Variants in DPY19L3 observed in about 807,000 individuals in gnomAD.
DPY19L3 encodes protein C-mannosyl-transferase DPY19L3.
DPY19L3 carries 51 observed loss-of-function variants against 92.3 expected under a neutral mutation model. The ratio of observed to expected loss-of-function variants is 0.55; its 90% CI spans 0.44 to 0.70. DPY19L3 has a LOEUF of 0.70. Ranked by LOEUF, DPY19L3 falls within the 30% of genes least tolerant of loss-of-function variation. The pLI is 0.00. For synonymous variants in DPY19L3, 309 were observed against 315.2 expected (o/e 0.98, Z 0.21); for missense variants, 706 against 855.9 (o/e 0.82, Z 2.18).
chr19:32,464,884 G>T (rs919379322), intron 15 of DPY19L3, 100 bp downstream of exon 15: 5 of 706,598 alleles, frequency 7.1e-6, no homozygotes, highest in African/African-American at 3.7e-5. Context: ...AGAGTGGTTT[G>T]TGAAGGTTAT....
rs199792338 is a variant in DPY19L3 at position 32,482,082 on chromosome 19, A to G, written c.1993A>G (p.Met665Val). 5.0e-6 allele frequency: 8 copies of G among 1,606,452 alleles called. No homozygotes were observed. Among genetic ancestry groups the G allele is most frequent in the Middle Eastern group, 1.7e-4 (1 of 6,010 alleles). Residue 665 changes from methionine (M) to valine (V), a missense_variant, in exon 19 of 19, where the codon ATG becomes GTG. Transcript: ENST00000392250. ...TTTGGGTTTGTTTTGGTTTTAGATG[A>G]TGGATGGCCCAGGAGAGAATGATCC... is the stretch of plus-strand genomic sequence containing the variant. ...DLLDIANGHMMDGPGENDPDL... is the reference protein window; with the variant it reads ...DLLDIANGHMVDGPGENDPDL...
rs370428055 is a variant in DPY19L3 at position 32,457,524 on chromosome 19, A to G, written c.1090-576A>G. On this transcript the variant is annotated intron_variant, in intron 10 of 18. Transcript: ENST00000392250. ...AATAAATTTTTTCACCATTTATGTT[A>G]TTATATATGGATTTTTAAGCCACAA... Among the ~76,000 whole-genome samples, 6 of 152,210 alleles carry G rather than the reference A, an allele frequency of 3.9e-5. No individual in the cohort carries two copies. In the East Asian group the frequency reaches 9.6e-4, roughly 24 times the overall value.
intron 16 of DPY19L3, among the ~76,000 whole-genome samples, chr19:32,474,897 C>T (rs1369602291): frequency 6.6e-6 from 1 of 152,158 alleles, no homozygotes; most frequent in Non-Finnish European, 1.5e-5. Context: ...TCTAAGTAAG[C>T]TTCTTGAAGA....
At chr19:32,470,675 A>C (rs552765949) in intron 16 of DPY19L3, among the ~76,000 whole-genome samples, 2 of 152,042 alleles carry the variant, frequency 1.3e-5, no homozygotes, top group Admixed American at 6.5e-5. Context: ...AGAGAATACA[A>C]GTGTCCTATT....
intron 17 of DPY19L3, among the ~76,000 whole-genome samples, chr19:32,479,896 A>G (rs771197581): frequency 1.1e-4 from 16 of 152,252 alleles, no homozygotes; most frequent in African/African-American, 2.2e-4. Context: ...AAAGCAGCCA[A>G]TGCTGCCCCA....
chr19:32,470,721 C>A (rs565612770), intron 16 of DPY19L3, among the ~76,000 whole-genome samples: 7 of 151,214 alleles, frequency 4.6e-5, no homozygotes, highest in African/African-American at 1.7e-4. Flanking sequence ...CTCCTCAGAC[C>A]CTCCTTTTGC....
At chr19:32,414,248 G>A (rs1228936158) in intron 3 of DPY19L3, among the ~76,000 whole-genome samples, 8 of 152,098 alleles carry the variant, frequency 5.3e-5, no homozygotes, top group South Asian at 2.1e-4. Context: ...GTGAAATCCC[G>A]TCTGTACTAA....
intron 3 of DPY19L3, among the ~76,000 whole-genome samples, chr19:32,418,110 T>G (rs1283071013): frequency 6.6e-6 from 1 of 152,210 alleles, no homozygotes; most frequent in Non-Finnish European, 1.5e-5. Flanking sequence ...TGGGCCAGTT[T>G]GTGTCTGTGC....
rs907572853 is a variant in DPY19L3 at position 32,484,443 on chromosome 19, G to A, written c.*2203G>A. The A allele has an allele frequency of 1.3e-5, 2 of 152,166 alleles. No homozygotes were observed. The highest frequency in any genetic ancestry group is 6.6e-5 in the Admixed American group (1 of 15,262). 9.4% of individuals were successfully genotyped at this position (152,166 alleles called of 1,614,324 possible). A position where few individuals can be genotyped will look rare whatever the true frequency, so the allele number is the denominator to read the frequency against. On this transcript the variant is annotated 3_prime_UTR_variant, in exon 19 of 19. Coordinates refer to ENST00000392250, the MANE Select transcript of DPY19L3 (RefSeq NM_001172774.2). The stretch of plus-strand genomic sequence containing the variant: ...TCTACCAGGCCGAAGCAAGAGACCC[G>A]CGGCAGCAGCTCCCCGCCACTCAGA...
At chr19:32,444,187 C>G (rs1483326036) in intron 8 of DPY19L3, among the ~76,000 whole-genome samples, 4 of 151,208 alleles carry the variant, frequency 2.6e-5, no homozygotes, top group Admixed American at 6.6e-5. Context: ...AAAAAAAAAG[C>G]TTCATTGAGC....
Position 32,436,576 on chromosome 19 carries a change from T to C in DPY19L3, c.450+9T>C. 1.4e-6 allele frequency: 2 copies of C among 1,477,890 alleles called. No homozygotes were observed. The highest frequency in any genetic ancestry group is 1.8e-6 in the Non-Finnish European group (2 of 1,104,512). 91.5% of individuals were successfully genotyped at this position (1,477,890 alleles called of 1,614,324 possible). A position where few individuals can be genotyped will look rare whatever the true frequency, so the allele number is the denominator to read the frequency against. ...GAGTTCTACCCATACAGGTATGTTT[T>C]GTGATATTGAATTATTAATATCAGA... On this transcript the variant is annotated intron_variant, in intron 5 of 18. Transcript: ENST00000392250.
chr19:32,479,658 G>GA (rs1568364637), intron 17 of DPY19L3: 1 of 401,700 alleles, frequency 2.5e-6, no homozygotes, highest in Non-Finnish European at 4.9e-6. Context: ...CTCTCTTCAT[G>GA]AACCCCCACA....
chr19:32,454,357 G>C (rs192930474), intron 9 of DPY19L3, among the ~76,000 whole-genome samples: 18 of 152,216 alleles, frequency 1.2e-4, no homozygotes, highest in Non-Finnish European at 2.4e-4. Context: ...GGCAGATCAC[G>C]AGGTCAGGAA....
chr19:32,431,650 A>G (rs1184985792), intron 3 of DPY19L3, among the ~76,000 whole-genome samples: 1 of 152,240 alleles, frequency 6.6e-6, no homozygotes, highest in South Asian at 2.1e-4. Context: ...GATGAAATTC[A>G]TTTATGTTTT....
chr19:32,415,230 G>C (rs182938387), intron 3 of DPY19L3, among the ~76,000 whole-genome samples: 201 of 152,304 alleles, frequency 1.3e-3, no homozygotes, highest in African/African-American at 4.6e-3. Flanking sequence ...AGAGCACTGT[G>C]GGAGCACATA....
At position 32,453,156 on chromosome 19, in the gene DPY19L3, G is replaced by T; in HGVS notation, c.867G>T (p.Leu289=). The change falls in exon 9 of 19, where the codon CTG becomes CTT. Residue 289 remains leucine (L), a synonymous_variant. Coordinates refer to ENST00000392250, the MANE Select transcript of DPY19L3 (RefSeq NM_001172774.2). Reference sequence around the variant, plus strand: ...TTTGGTTCTTGCAGGCGACATGGCTGTATGGAATACAGATAACAAGTTTAC... The same window carrying T: ...TTTGGTTCTTGCAGGCGACATGGCTTTATGGAATACAGATAACAAGTTTAC... The part of the protein sequence containing the change: ...DMLPAVKATW[L]YGIQITSLLL... The T allele has an allele frequency of 1.2e-6, 2 of 1,613,834 alleles. No homozygotes were observed. The highest frequency in any genetic ancestry group is 1.7e-6 in the Non-Finnish European group (2 of 1,179,938).
At chr19:32,420,640 A>G (rs1968538674) in intron 3 of DPY19L3, among the ~76,000 whole-genome samples, 1 of 151,816 alleles carries the variant, frequency 6.6e-6, no homozygotes, top group Non-Finnish European at 1.5e-5. Flanking sequence ...AGTAGAGACG[A>G]GGTTTTGCCA....
chr19:32,443,553 A>G (rs1193205410), intron 8 of DPY19L3, among the ~76,000 whole-genome samples: 1 of 152,202 alleles, frequency 6.6e-6, no homozygotes, highest in African/African-American at 2.4e-5. Flanking sequence ...AGCCCTCACC[A>G]GCCACTGAAT....
In DPY19L3 at chr19:32,439,330, A is replaced by C. The variant is rs896972179; in HGVS notation, c.720+95A>C. 9 of 1,310,380 alleles carry C rather than the reference A, an allele frequency of 6.9e-6. No homozygotes were observed. In the South Asian group the frequency reaches 1.4e-4, roughly 20 times the overall value. 81.2% of individuals were successfully genotyped at this position (1,310,380 alleles called of 1,614,324 possible). A position where few individuals can be genotyped will look rare whatever the true frequency, so the allele number is the denominator to read the frequency against. On this transcript the variant is annotated intron_variant, in intron 7 of 18. Transcript: ENST00000392250. ...GTGCTTAGTATCCCAATGCATGTGA[A>C]TAGTTCTTATTCCATGACCAATTTT...
Sources: gnomAD v4.1 joint callset for allele counts (sites outside exome capture counted in the v4.1 genomes callset) on GRCh38, gnomAD v4.1.1 for gene constraint, MANE v1.5 for transcripts, NCBI Gene and HGNC (gene_info 2026-07-23, HGNC 2026-07-21) for gene names.